Variants in UFSP2 observed in about 807,000 individuals in gnomAD.
UFSP2 encodes UFM1 specific peptidase 2.
A neutral mutation model predicts 60.2 loss-of-function variants in UFSP2; 43 were observed. The ratio of observed to expected loss-of-function variants is 0.71; its 90% CI spans 0.56 to 0.92. The LOEUF (loss-of-function observed/expected upper bound fraction) is 0.92, where lower values mean the gene tolerates loss of function less well. UFSP2 is among the 40% of genes least tolerant of loss of function. UFSP2 has a pLI of 0.00. For synonymous variants in UFSP2, 183 were observed against 195.1 expected (o/e 0.94, Z 0.52); for missense variants, 520 against 575.0 (o/e 0.90, Z 0.98).
rs768905843 is a variant in UFSP2 at position 185,400,001 on chromosome 4, G to A, written c.*391C>T. 15 of 1,601,740 alleles carry A rather than the reference G, an allele frequency of 9.4e-6. No homozygotes were observed. Among genetic ancestry groups the A allele is most frequent in the East Asian group, 4.5e-5 (2 of 44,822 alleles). On this transcript the variant is annotated 3_prime_UTR_variant, in exon 12 of 12. Transcript: ENST00000264689. Reference sequence around the variant, plus strand: ...TTAAAAAAAAGTTTTTAATGTTAACGTGTTTTTAAAAACAGATGTCACGTG... The same window carrying A: ...TTAAAAAAAAGTTTTTAATGTTAACATGTTTTTAAAAACAGATGTCACGTG...
Position 185,415,851 on chromosome 4 carries a change from A to T in UFSP2, c.350T>A (p.Ile117Lys). ...GGTTGACATTTCCAGCATAAGATCTATATTTACTATTTGATGCTATATAGA... is the reference window on the plus strand; with the variant it reads ...GGTTGACATTTCCAGCATAAGATCTTTATTTACTATTTGATGCTATATAGA... ...KLSDMHQIVNIDLMLEMSTSL... is the reference protein window; with the variant it reads ...KLSDMHQIVNKDLMLEMSTSL... The change falls in exon 5 of 12, where the codon ATA becomes AAA. Residue 117 changes from isoleucine to lysine, a missense_variant. Physicochemically the swap from Ile to Lys is moderately radical, Grantham distance 102. Coordinates refer to ENST00000264689, the MANE Select transcript of UFSP2 (RefSeq NM_018359.5). The T allele has an allele frequency of 6.2e-7, 1 of 1,613,240 alleles. No homozygotes were observed. The highest frequency in any genetic ancestry group is 2.2e-5 in the East Asian group (1 of 44,870).
intron 9 of UFSP2, chr4:185,406,061 C>G: frequency 9.1e-7 from 1 of 1,103,572 alleles, no homozygotes; most frequent in Non-Finnish European, 1.3e-6. Flanking sequence ...TTAAGGCCAC[C>G]AAGTGTGCTA....
At chr4:185,407,911 A>G (rs754278636) in intron 9 of UFSP2, 25 bp downstream of exon 9, 1 of 1,600,856 alleles carries the variant, frequency 6.2e-7, no homozygotes, top group Admixed American at 1.7e-5. Flanking sequence ...GAAATGATTT[A>G]TCTAATTTCT....
At chr4:185,425,585 T>G (rs747345684) in intron 1 of UFSP2, among the ~76,000 whole-genome samples, 10 of 152,172 alleles carry the variant, frequency 6.6e-5, no homozygotes, top group Non-Finnish European at 1.2e-4. Context: ...CTTGCAAGGC[T>G]TCAAAAACGC....
At chr4:185,424,008 T>C (rs947602557) in intron 1 of UFSP2, among the ~76,000 whole-genome samples, 1 of 152,034 alleles carries the variant, frequency 6.6e-6, no homozygotes, top group Non-Finnish European at 1.5e-5. Flanking sequence ...GCTCTTCAAA[T>C]GTAAAACACA....
At chr4:185,403,349 C>T (rs542030467) in intron 11 of UFSP2, 145 bp downstream of exon 11, 4 of 1,003,258 alleles carry the variant, frequency 4.0e-6, no homozygotes, top group Admixed American at 3.1e-5. Flanking sequence ...TATACAGAGA[C>T]GGCTACTTAC....
intron 8 of UFSP2, 35 bp downstream of exon 8, chr4:185,408,236 C>A (rs1160413284): frequency 6.2e-7 from 1 of 1,602,796 alleles, no homozygotes; most frequent in African/African-American, 1.3e-5. Context: ...ATGAAACATA[C>A]AGTTGATTAT....
Position 185,399,621 on chromosome 4 carries a change from AT to A in UFSP2, c.*770del. The A allele has an allele frequency of 6.2e-7, 1 of 1,614,200 alleles. No individual in the cohort carries two copies. Among genetic ancestry groups the A allele is most frequent in the Non-Finnish European group, 8.5e-7 (1 of 1,180,026 alleles). ...CTGAAGATCTCGCTTGGTCATGTGG[AT>A]TTCCAGACTGTGCCAAGTTTCTTAC... On this transcript the variant is annotated 3_prime_UTR_variant, in exon 12 of 12. Coordinates refer to ENST00000264689, the MANE Select transcript of UFSP2 (RefSeq NM_018359.5).
Position 185,399,931 on chromosome 4 carries a change from C to T in UFSP2, c.*461G>A. The T allele has an allele frequency of 6.4e-7, 1 of 1,555,210 alleles. No individual in the cohort carries two copies. The highest frequency in any genetic ancestry group is 1.2e-5 in the South Asian group (1 of 81,846). ...GGTTATACTTACCAGAGTCTAGAGA[C>T]CAAAAATGGGACTGCATGGTGGAAG... On this transcript the variant is annotated 3_prime_UTR_variant, in exon 12 of 12. Coordinates refer to ENST00000264689, the MANE Select transcript of UFSP2 (RefSeq NM_018359.5).
intron 4 of UFSP2, chr4:185,416,109 A>G (rs1475872437): frequency 3.1e-6 from 1 of 327,310 alleles, no homozygotes; most frequent in Non-Finnish European, 5.5e-6. Context: ...TTTAAAGGAC[A>G]GAATATAAAG....
chr4:185,403,978 C>CAA (rs1293715170), intron 10 of UFSP2, among the ~76,000 whole-genome samples: 1 of 116,746 alleles, frequency 8.6e-6, no homozygotes, highest in South Asian at 2.8e-4. Context: ...AAAAAAAAAA[C>CAA]AAAAAAAAAC....
chr4:185,412,475 G>A (rs967017614), intron 7 of UFSP2, among the ~76,000 whole-genome samples: 5 of 152,030 alleles, frequency 3.3e-5, no homozygotes, highest in African/African-American at 9.7e-5. Context: ...AGTCCTGGAC[G>A]CTCAGAAGGT....
Position 185,400,426 on chromosome 4 carries a change from TTATAG to T in UFSP2, c.1371_1375del (p.Tyr457Ter). 1 of 1,613,948 alleles carries T rather than the reference TTATAG, an allele frequency of 6.2e-7. No individual in the cohort carries two copies. Among genetic ancestry groups the T allele is most frequent in the Non-Finnish European group, 8.5e-7 (1 of 1,179,882 alleles). ...ATTTGGTCGCTGAGGAAGACATAAGTTATAGTATGCATCCTTGTTCCAAAAATCTG... is the reference window on the plus strand; with the variant it reads ...ATTTGGTCGCTGAGGAAGACATAAGTTATGCATCCTTGTTCCAAAAATCTG... On this transcript the variant is annotated stop_gained and frameshift_variant, in exon 12 of 12. Coordinates refer to ENST00000264689, the MANE Select transcript of UFSP2 (RefSeq NM_018359.5). LOFTEE classifies it high-confidence loss of function.
intron 7 of UFSP2, 55 bp from the exon 8 acceptor site, chr4:185,408,490 T>A: frequency 2.6e-6 from 4 of 1,533,558 alleles, no homozygotes; most frequent in Non-Finnish European, 2.7e-6. Flanking sequence ...AAGTACATAT[T>A]CTATATATGC....
intron 2 of UFSP2, among the ~76,000 whole-genome samples, chr4:185,421,362 G>GA (rs1214668499): frequency 6.6e-6 from 1 of 152,182 alleles, no homozygotes; most frequent in East Asian, 1.9e-4. Flanking sequence ...ATTTCATGTT[G>GA]AAATGTGATC....
chr4:185,421,548 T>C (rs1254180066), intron 2 of UFSP2, among the ~76,000 whole-genome samples: 1 of 152,174 alleles, frequency 6.6e-6, no homozygotes, highest in Admixed American at 6.5e-5. Context: ...TCTTTTGCCA[T>C]GTGATACACT....
intron 10 of UFSP2, among the ~76,000 whole-genome samples, chr4:185,404,293 G>GTTTTTTTT (rs70962562): frequency 2.5e-5 from 2 of 80,480 alleles, no homozygotes; most frequent in African/African-American, 4.2e-5. Context: ...CATTCATTAA[G>GTTTTTTTT]TTTTTTTTTT....
chr4:185,408,093 C>A (rs773955955), intron 8 of UFSP2, 33 bp from the exon 9 acceptor site: 3 of 1,604,436 alleles, frequency 1.9e-6, no homozygotes, highest in Non-Finnish European at 2.6e-6. Context: ...AACATCCATA[C>A]ACAAGACAGC....
At position 185,425,923 on chromosome 4, in the gene UFSP2, C is replaced by A; in HGVS notation, c.-55G>T. On this transcript the variant is annotated 5_prime_UTR_variant, in exon 1 of 12. Coordinates refer to ENST00000264689, the MANE Select transcript of UFSP2 (RefSeq NM_018359.5). ...GACGCCTGCCCAAAAGTTCCGGGGG[C>A]CGGCCCTGAAGTGGTGTCACCGCAC... The A allele has an allele frequency of 6.4e-7, 1 of 1,567,532 alleles. No individual in the cohort carries two copies. The highest frequency in any genetic ancestry group is 8.6e-7 in the Non-Finnish European group (1 of 1,156,400).
Sources: allele counts gnomAD v4.1 joint callset (sites outside exome capture counted in the v4.1 genomes callset), GRCh38; gene constraint gnomAD v4.1.1; transcripts MANE v1.5; gene names NCBI Gene and HGNC (gene_info 2026-07-23, HGNC 2026-07-21).